GALNT13: variants seen among roughly 807,000 people sequenced by gnomAD.
GALNT13 encodes polypeptide N-acetylgalactosaminyltransferase 13.
A neutral mutation model predicts 64.2 loss-of-function variants in GALNT13; 28 were observed. That is an observed-to-expected ratio of 0.44 (90% CI 0.32 to 0.60). The LOEUF is 0.60. Ranked by LOEUF, GALNT13 falls within the 20% of genes least tolerant of loss-of-function variation. GALNT13 has a pLI of 0.05. For missense variants in GALNT13, 577 were observed against 669.8 expected (o/e 0.86, Z 1.53); for synonymous variants, 214 against 224.6 (o/e 0.95, Z 0.42).
At chr2:153,546,290 A>G in the GALNT13 span, among the ~76,000 whole-genome samples, 1 of 152,234 alleles carries the variant, frequency 6.6e-6, no homozygotes, top group Non-Finnish European at 1.5e-5. Flanking sequence ...GACAAGTTGG[A>G]AGAATGATTG....
At chr2:154,058,253 A>T (rs1382232681) in intron 3 of GALNT13, among the ~76,000 whole-genome samples, 2 of 151,498 alleles carry the variant, frequency 1.3e-5, no homozygotes, top group Admixed American at 6.6e-5. Flanking sequence ...CCAGAACCCA[A>T]TCATACTGCC....
the GALNT13 span, among the ~76,000 whole-genome samples, chr2:153,598,492 A>T: frequency 6.6e-6 from 1 of 151,938 alleles, no homozygotes; most frequent in East Asian, 1.9e-4. Context: ...TTCTCATTGC[A>T]CTTTTCACTA....
At chr2:153,602,611 T>A in the GALNT13 span, among the ~76,000 whole-genome samples, 1 of 151,744 alleles carries the variant, frequency 6.6e-6, no homozygotes, top group Non-Finnish European at 1.5e-5. Context: ...AAAAAAGGAA[T>A]AGCAAATAAA....
At chr2:153,718,961 A>C in the GALNT13 span, among the ~76,000 whole-genome samples, 3 of 152,120 alleles carry the variant, frequency 2.0e-5, no homozygotes, top group Non-Finnish European at 2.9e-5. Context: ...AAATGCCGTG[A>C]ATTTTACCCT....
chr2:153,433,772 T>C, the GALNT13 span, among the ~76,000 whole-genome samples: 1 of 152,148 alleles, frequency 6.6e-6, no homozygotes, highest in African/African-American at 2.4e-5. Flanking sequence ...AATCCGAACA[T>C]ATATTTGAAA....
chr2:153,253,900 G>A, the GALNT13 span, among the ~76,000 whole-genome samples: 3 of 152,168 alleles, frequency 2.0e-5, no homozygotes, highest in Non-Finnish European at 2.9e-5. Context: ...TTGCATCAAT[G>A]TTCATCAAGG....
the GALNT13 span, among the ~76,000 whole-genome samples, chr2:153,283,829 C>A: frequency 6.6e-6 from 1 of 151,312 alleles, no homozygotes. Context: ...GGAGAGACCC[C>A]CTGGAAACCC....
At chr2:153,461,319 A>C in the GALNT13 span, among the ~76,000 whole-genome samples, 1 of 152,080 alleles carries the variant, frequency 6.6e-6, no homozygotes, top group African/African-American at 2.4e-5. Context: ...AAGTTAGAAG[A>C]TGCTACTCTG....
the GALNT13 span, among the ~76,000 whole-genome samples, chr2:153,361,190 C>T: frequency 6.6e-6 from 1 of 152,050 alleles, no homozygotes; most frequent in African/African-American, 2.4e-5. Flanking sequence ...CAAAAAATGT[C>T]CCCACAAAAA....
intron 9 of GALNT13, among the ~76,000 whole-genome samples, chr2:154,358,529 A>G (rs1387892570): frequency 1.3e-5 from 2 of 152,130 alleles, no homozygotes; most frequent in Non-Finnish European, 2.9e-5. Context: ...ACTAAATTTG[A>G]AGTTTCTATG....
At chr2:153,667,438 C>A in the GALNT13 span, among the ~76,000 whole-genome samples, 1 of 152,304 alleles carries the variant, frequency 6.6e-6, no homozygotes, top group South Asian at 2.1e-4. Flanking sequence ...TCATGAGAAC[C>A]TCTACAATCC....
At chr2:154,283,154 G>A (rs537055341) in intron 8 of GALNT13, among the ~76,000 whole-genome samples, 2 of 152,078 alleles carry the variant, frequency 1.3e-5, no homozygotes, top group Admixed American at 6.6e-5. Context: ...TAAGAATTAC[G>A]GGATTTGTCA....
intron 3 of GALNT13, among the ~76,000 whole-genome samples, chr2:154,061,851 C>G (rs772629042): frequency 2.0e-5 from 3 of 152,106 alleles, no homozygotes; most frequent in African/African-American, 4.8e-5. Context: ...TCGATGTGAT[C>G]TGCTTTTTCT....
the GALNT13 span, among the ~76,000 whole-genome samples, chr2:153,727,017 T>C: frequency 6.6e-6 from 1 of 151,562 alleles, no homozygotes; most frequent in Non-Finnish European, 1.5e-5. Flanking sequence ...AGAGTATCAG[T>C]AAACCATTGG....
chr2:153,499,162 T>C, the GALNT13 span, among the ~76,000 whole-genome samples: 1 of 152,142 alleles, frequency 6.6e-6, no homozygotes, highest in Non-Finnish European at 1.5e-5. Flanking sequence ...GGTCCTGGGT[T>C]CTTATCTTGC....
the GALNT13 span, among the ~76,000 whole-genome samples, chr2:153,778,980 C>T: frequency 1.3e-5 from 2 of 152,188 alleles, no homozygotes; most frequent in Non-Finnish European, 2.9e-5. Context: ...AATTCACTAG[C>T]TGTGTGGTCT....
rs1327160330 is a variant in GALNT13, at chr2:154,376,865, C to T, written c.1157-19126C>T. On this transcript the variant is annotated intron_variant, in intron 9 of 12. Transcript: ENST00000392825. ...ACTATAGTAAATATCTAAGGATTTG[C>T]AGATGCGTTCTCTCAGCTTTATACC... 5.9e-5 allele frequency among the ~76,000 whole-genome samples: 9 copies of T among 152,168 alleles called. No individual in the cohort carries two copies. The East Asian group carries it at 1.5e-3, about 26-fold the overall frequency.
chr2:154,057,798 G>A (rs1420912867), intron 3 of GALNT13, among the ~76,000 whole-genome samples: 2 of 152,098 alleles, frequency 1.3e-5, no homozygotes, highest in Admixed American at 6.6e-5. Context: ...GTATCATTAC[G>A]ATTTCAGTAT....
At chr2:154,196,826 C>A (rs748614965) in intron 4 of GALNT13, among the ~76,000 whole-genome samples, 4 of 152,186 alleles carry the variant, frequency 2.6e-5, no homozygotes, top group Non-Finnish European at 5.9e-5. Context: ...CTAAAATTAT[C>A]ATTTCATGAC....
Sources: gnomAD v4.1 joint callset for allele counts (sites outside exome capture counted in the v4.1 genomes callset) on GRCh38, gnomAD v4.1.1 for gene constraint, MANE v1.5 for transcripts, NCBI Gene and HGNC (gene_info 2026-07-23, HGNC 2026-07-21) for gene names.